The following NXNL2 variants were observed in gnomAD, a reference collection of about 807,000 sequenced individuals.
The protein encoded by NXNL2 is nucleoredoxin-like protein 2.
Under a neutral mutation model 11.1 loss-of-function variants are expected in NXNL2, and 7 were observed. The observed-to-expected ratio is 0.63, with a 90% CI of 0.36 to 1.18. The LOEUF (loss-of-function observed/expected upper bound fraction) is 1.18, where lower values mean the gene tolerates loss of function less well. Among genes scored for constraint, NXNL2 ranks in the 50% most tolerant of loss-of-function variants. NXNL2 has a pLI of 0.02. For missense variants in NXNL2, 233 were observed against 217.7 expected (o/e 1.07, Z -0.44); for synonymous variants, 109 against 101.8 (o/e 1.07, Z -0.42).
At chr9:88,556,451 G>A (rs1327728559) in intron 1 of NXNL2, among the ~76,000 whole-genome samples, 3 of 152,130 alleles carry the variant, frequency 2.0e-5, no homozygotes, top group Admixed American at 6.5e-5. Flanking sequence ...CCCGAAGTGG[G>A]TAACCCATAT....
At chr9:88,553,285 G>T (rs754939870) in intron 1 of NXNL2, among the ~76,000 whole-genome samples, 1 of 152,156 alleles carries the variant, frequency 6.6e-6, no homozygotes, top group East Asian at 1.9e-4. Context: ...AGCGGAGGTT[G>T]CAGTGAGCTG....
chr9:88,541,526 G>T (rs936115452), intron 1 of NXNL2, among the ~76,000 whole-genome samples: 1 of 152,232 alleles, frequency 6.6e-6, no homozygotes, highest in Non-Finnish European at 1.5e-5. Flanking sequence ...CTCCCAAAGT[G>T]CTGGGATTAC....
At chr9:88,563,723 G>C (rs1052975439) in intron 1 of NXNL2, among the ~76,000 whole-genome samples, 1 of 151,908 alleles carries the variant, frequency 6.6e-6, no homozygotes, top group Non-Finnish European at 1.5e-5. Flanking sequence ...CTCCCCTCCA[G>C]ACACACCACC....
At chr9:88,576,966 G>A (rs375295850), downstream of NXNL2, among the ~76,000 whole-genome samples, 1,539 of 4,370 alleles carry the variant, frequency 0.35, 28 homozygotes, top group African/African-American at 0.49. Flanking sequence ...AGAGTGGTAG[G>A]TAGGGGGGGT....
At chr9:88,548,105 G>A (rs1157259686), downstream of NXNL2, among the ~76,000 whole-genome samples, 14 of 149,432 alleles carry the variant, frequency 9.4e-5, no homozygotes, top group South Asian at 1.3e-3. Context: ...TTGGGAGGCC[G>A]AGGTGGGTGG....
At chr9:88,536,092 C>T (rs1829612314) in intron 1 of NXNL2, among the ~76,000 whole-genome samples, 2 of 152,180 alleles carry the variant, frequency 1.3e-5, no homozygotes, top group Non-Finnish European at 2.9e-5. Context: ...CTCCGGGAAC[C>T]GCCGGCCCAA....
chr9:88,557,080 CAAAAAAAAAAAAAA>C (rs150400954), intron 1 of NXNL2, among the ~76,000 whole-genome samples: 2 of 55,610 alleles, frequency 3.6e-5, no homozygotes, highest in East Asian at 1.1e-3. Context: ...GACTCCATCT[CAAAAAAAAAAAAAA>C]AAAAAAAAAA....
downstream of NXNL2, among the ~76,000 whole-genome samples, chr9:88,579,510 G>A (rs1345220735): frequency 2.6e-5 from 4 of 152,174 alleles, no homozygotes; most frequent in Non-Finnish European, 5.9e-5. Flanking sequence ...GTGGAGGTGG[G>A]GCTGGTTGTG....
At chr9:88,558,403 A>G (rs947331224) in intron 1 of NXNL2, among the ~76,000 whole-genome samples, 2 of 152,148 alleles carry the variant, frequency 1.3e-5, no homozygotes, top group Non-Finnish European at 2.9e-5. Context: ...GCATCTCTTC[A>G]TCCTCAGACA....
At chr9:88,570,393 C>T (rs1046686981) in intron 1 of NXNL2, among the ~76,000 whole-genome samples, 12 of 152,226 alleles carry the variant, frequency 7.9e-5, no homozygotes, top group Admixed American at 3.9e-4. Context: ...GCTGGGATTA[C>T]AGGCGTGAGC....
downstream of NXNL2, among the ~76,000 whole-genome samples, chr9:88,579,786 G>A (rs1015965877): frequency 1.3e-5 from 2 of 152,126 alleles, no homozygotes; most frequent in Non-Finnish European, 1.5e-5. Context: ...CCAAACAAAT[G>A]TCCACCATAT....
At chr9:88,542,449 C>T (rs1449160906) in intron 1 of NXNL2, among the ~76,000 whole-genome samples, 4 of 151,548 alleles carry the variant, frequency 2.6e-5, no homozygotes, top group Admixed American at 6.6e-5. Context: ...CCACCATGCC[C>T]GGCTAATTTT....
chr9:88,580,473 A>G (rs545988948), downstream of NXNL2, among the ~76,000 whole-genome samples: 5 of 152,270 alleles, frequency 3.3e-5, no homozygotes, highest in South Asian at 1.0e-3. Context: ...ACTAAATTTA[A>G]AGAACATAGA....
intron 1 of NXNL2, among the ~76,000 whole-genome samples, chr9:88,558,600 G>A (rs1237678943): frequency 6.6e-6 from 1 of 152,142 alleles, no homozygotes; most frequent in Non-Finnish European, 1.5e-5. Flanking sequence ...CTTGGTTGGT[G>A]TCTGAAGTAG....
intron 2 of NXNL2, among the ~76,000 whole-genome samples, chr9:88,573,532 C>T (rs1472821218): frequency 6.6e-6 from 1 of 152,096 alleles, no homozygotes; most frequent in Non-Finnish European, 1.5e-5. Context: ...CCAAAGAATT[C>T]CATAATAAAA....
Position 88,544,803 on chromosome 9 carries a change from G to A in NXNL2, c.*256G>A, listed in dbSNP as rs1829826022. The A allele has an allele frequency of 1.7e-6, 2 of 1,194,842 alleles. No individual in the cohort carries two copies. Among genetic ancestry groups the A allele is most frequent in the Admixed American group, 8.3e-5 (2 of 24,036 alleles). 74.0% of individuals were successfully genotyped at this position (1,194,842 alleles called of 1,614,324 possible). A position where few individuals can be genotyped will look rare whatever the true frequency, so the allele number is the denominator to read the frequency against. On this transcript the variant is annotated 3_prime_UTR_variant, in exon 2 of 2. Coordinates refer to ENST00000375854, the MANE Select transcript of NXNL2 (RefSeq NM_001161625.2). The stretch of plus-strand genomic sequence containing the variant: ...CTTTATCCACCTGTGCTTAAGGAAG[G>A]ATCCTCATATGTTCATACTGAGCTG...
At chr9:88,577,723 T>C (rs1340787087), downstream of NXNL2, among the ~76,000 whole-genome samples, 1 of 152,166 alleles carries the variant, frequency 6.6e-6, no homozygotes, top group Non-Finnish European at 1.5e-5. Context: ...ATCAGGGACT[T>C]ACTTATGACC....
chr9:88,536,218 C>T (rs1829615934), intron 1 of NXNL2, among the ~76,000 whole-genome samples: 1 of 152,082 alleles, frequency 6.6e-6, no homozygotes, highest in African/African-American at 2.4e-5. Context: ...AGGACATCAG[C>T]TCTGTGACAG....
intron 1 of NXNL2, among the ~76,000 whole-genome samples, chr9:88,560,873 C>A (rs570944738): frequency 6.6e-6 from 1 of 152,120 alleles, no homozygotes; most frequent in African/African-American, 2.4e-5. Context: ...AGAATCTGAC[C>A]CCACAGCAGC....
Sources: gnomAD v4.1 joint callset for allele counts (sites outside exome capture counted in the v4.1 genomes callset) on GRCh38, gnomAD v4.1.1 for gene constraint, MANE v1.5 for transcripts, NCBI Gene and HGNC (gene_info 2026-07-23, HGNC 2026-07-21) for gene names.